Variants in SLC24A2 observed in about 807,000 individuals in gnomAD.
SLC24A2 encodes solute carrier family 24 member 2.
A neutral mutation model predicts 62.0 loss-of-function variants in SLC24A2; 36 were observed. The observed-to-expected ratio is 0.58, with a 90% CI of 0.44 to 0.77. The LOEUF is 0.77. Among genes scored for constraint, SLC24A2 ranks in the 30% least tolerant of loss-of-function variants. The pLI is 0.00. For missense variants in SLC24A2, 846 were observed against 817.9 expected, an observed-to-expected ratio of 1.03 and a Z score of -0.42; for synonymous variants, 358 against 294.0, an observed-to-expected ratio of 1.22 and a Z score of -2.23.
At chr9:19,996,032 ACAGGTGTTT>A in the SLC24A2 span, among the ~76,000 whole-genome samples, 1 of 152,240 alleles carries the variant, frequency 6.6e-6, no homozygotes, top group Non-Finnish European at 1.5e-5. Context: ...ATGCTTCAAG[ACAGGTGTTT>A]CAGAGACATA....
the SLC24A2 span, among the ~76,000 whole-genome samples, chr9:20,097,217 GT>G: frequency 6.6e-6 from 1 of 152,086 alleles, no homozygotes. Context: ...CTCTATCTCT[GT>G]AGATATAATA....
chr9:19,603,797 C>T (rs1836910795), intron 4 of SLC24A2, among the ~76,000 whole-genome samples: 1 of 152,156 alleles, frequency 6.6e-6, no homozygotes, highest in Non-Finnish European at 1.5e-5. Flanking sequence ...ACCTCTCAAT[C>T]CTGCACATAC....
chr9:19,767,162 C>T (rs2118877584), intron 2 of SLC24A2, among the ~76,000 whole-genome samples: 1 of 152,262 alleles, frequency 6.6e-6, no homozygotes, highest in East Asian at 1.9e-4. Context: ...CTCAAGTGTT[C>T]CAGGTCGACT....
the SLC24A2 span, among the ~76,000 whole-genome samples, chr9:20,012,511 C>T: frequency 6.6e-6 from 1 of 152,060 alleles, no homozygotes; most frequent in South Asian, 2.1e-4. Context: ...CACTTCTTTT[C>T]AACATAGTAC....
At chr9:19,971,924 T>C in the SLC24A2 span, among the ~76,000 whole-genome samples, 1 of 152,176 alleles carries the variant, frequency 6.6e-6, no homozygotes, top group Non-Finnish European at 1.5e-5. Flanking sequence ...TTCAGGAAAC[T>C]GAAACCCAGA....
At chr9:19,796,847 G>A in the SLC24A2 span, among the ~76,000 whole-genome samples, 1 of 152,048 alleles carries the variant, frequency 6.6e-6, no homozygotes, top group African/African-American at 2.4e-5. Context: ...CCTTGGAGTG[G>A]ATCTTTTCTC....
chr9:19,992,132 G>C, the SLC24A2 span, among the ~76,000 whole-genome samples: 1 of 152,154 alleles, frequency 6.6e-6, no homozygotes, highest in African/African-American at 2.4e-5. Flanking sequence ...GGATTAAACA[G>C]CATTGTTTAA....
chr9:20,186,188 T>C, the SLC24A2 span, among the ~76,000 whole-genome samples: 1 of 152,114 alleles, frequency 6.6e-6, no homozygotes, highest in African/African-American at 2.4e-5. Context: ...CCCTGATCAT[T>C]TGACCAGTCT....
At chr9:19,621,118 A>G (rs953163926) in intron 3 of SLC24A2, among the ~76,000 whole-genome samples, 4 of 152,264 alleles carry the variant, frequency 2.6e-5, no homozygotes, top group African/African-American at 9.6e-5. Context: ...ACTATTATCC[A>G]TAGGATCTTA....
chr9:20,069,776 A>G, the SLC24A2 span, among the ~76,000 whole-genome samples: 1 of 152,176 alleles, frequency 6.6e-6, no homozygotes, highest in Admixed American at 6.5e-5. Flanking sequence ...TATATTTGTA[A>G]GATTCATCCA....
At chr9:19,662,305 G>A (rs558040682) in intron 2 of SLC24A2, among the ~76,000 whole-genome samples, 65 of 152,292 alleles carry the variant, frequency 4.3e-4, no homozygotes, top group African/African-American at 1.5e-3. Context: ...GAAAACCAGA[G>A]TGTGTGTTAA....
chr9:19,515,425 G>C lies in SLC24A2; in HGVS notation c.*728C>G, dbSNP rs1749722057. 6.6e-6 allele frequency: 1 copy of C among 152,100 alleles called. No homozygotes were observed. The highest frequency in any genetic ancestry group is 1.5e-5 in the Non-Finnish European group (1 of 68,116). The allele number at this position is 152,100 out of a possible 1,614,324, so 9.4% of individuals were successfully genotyped here. A position where few individuals can be genotyped will look rare whatever the true frequency, so the allele number is the denominator to read the frequency against. ...GGAATGTTTTGGAAGGCTCAACTCA[G>C]GGCCCCTACAGACCTTCTCCACTAA... On this transcript the variant is annotated 3_prime_UTR_variant, in exon 11 of 11. Transcript: ENST00000341998.
intron 2 of SLC24A2, among the ~76,000 whole-genome samples, chr9:19,698,705 T>G (rs189097533): frequency 1.1e-4 from 17 of 152,268 alleles, no homozygotes; most frequent in African/African-American, 3.8e-4. Context: ...TACATCAGTA[T>G]GAAAGGTGGG....
the SLC24A2 span, among the ~76,000 whole-genome samples, chr9:20,210,658 T>G: frequency 6.7e-3 from 323 of 48,014 alleles, 3 homozygotes; most frequent in Non-Finnish European, 0.013. Context: ...TTTTTTTTTT[T>G]TTTTTTTTTT....
the SLC24A2 span, among the ~76,000 whole-genome samples, chr9:20,099,892 G>A: frequency 6.6e-6 from 1 of 152,184 alleles, no homozygotes; most frequent in South Asian, 2.1e-4. Flanking sequence ...ACCACTCATG[G>A]GAATTTCACA....
intron 7 of SLC24A2, among the ~76,000 whole-genome samples, chr9:19,572,870 G>A (rs1466985044): frequency 1.3e-5 from 2 of 152,138 alleles, no homozygotes; most frequent in Non-Finnish European, 2.9e-5. Context: ...AGCCAAAGGG[G>A]GCTCACTGAG....
chr9:20,216,799 G>A, the SLC24A2 span, among the ~76,000 whole-genome samples: 119 of 152,240 alleles, frequency 7.8e-4, no homozygotes, highest in Non-Finnish European at 2.1e-4. Flanking sequence ...TCTGGGAAAA[G>A]TATACAAATA....
chr9:20,269,035 G>C, the SLC24A2 span, among the ~76,000 whole-genome samples: 1 of 152,146 alleles, frequency 6.6e-6, no homozygotes, highest in African/African-American at 2.4e-5. Context: ...GTACAATTTA[G>C]CAGTTAAGGA....
At chr9:20,050,406 A>G in the SLC24A2 span, among the ~76,000 whole-genome samples, 3 of 152,260 alleles carry the variant, frequency 2.0e-5, no homozygotes, top group African/African-American at 7.2e-5. Flanking sequence ...ACAGAGGAAG[A>G]CTGTGCCTCA....
Sources: allele counts gnomAD v4.1 joint callset (sites outside exome capture counted in the v4.1 genomes callset), GRCh38; gene constraint gnomAD v4.1.1; transcripts MANE v1.5; gene names NCBI Gene and HGNC (gene_info 2026-07-23, HGNC 2026-07-21).